The following PTPRD variants were observed in gnomAD, a reference collection of about 807,000 sequenced individuals.
PTPRD encodes the protein receptor-type tyrosine-protein phosphatase delta.
PTPRD carries 34 observed loss-of-function variants against 214.5 expected under a neutral mutation model. The ratio of observed to expected loss-of-function variants is 0.16; its 90% CI spans 0.12 to 0.21. PTPRD has a LOEUF of 0.21. PTPRD is among the 10% of genes least tolerant of loss of function. The probability of loss-of-function intolerance (pLI) is 1.00; values close to 1 mark genes in which losing one functional copy is unlikely to be tolerated. For synonymous variants in PTPRD, 1,128 were observed against 845.7 expected, an observed-to-expected ratio of 1.33 and a Z score of -5.79; for missense variants, 2,545 against 2,398.7, an observed-to-expected ratio of 1.06 and a Z score of -1.27.
intron 8 of PTPRD, among the ~76,000 whole-genome samples, chr9:9,523,510 T>C (rs1399586875): frequency 6.6e-6 from 1 of 151,622 alleles, no homozygotes; most frequent in Non-Finnish European, 1.5e-5. Context: ...AACATATTTA[T>C]CTAACTCCTG....
chr9:8,850,632 A>G (rs2097791311), intron 11 of PTPRD, among the ~76,000 whole-genome samples: 1 of 152,202 alleles, frequency 6.6e-6, no homozygotes, highest in African/African-American at 2.4e-5. Context: ...AACTACTCTT[A>G]TTTCTAGCTA....
At chr9:8,514,779 T>A (rs914125622) in intron 21 of PTPRD, among the ~76,000 whole-genome samples, 1 of 152,202 alleles carries the variant, frequency 6.6e-6, no homozygotes, top group Non-Finnish European at 1.5e-5. Context: ...GATTAGGCTC[T>A]GCGTCCCCAC....
intron 3 of PTPRD, among the ~76,000 whole-genome samples, chr9:10,104,057 G>A (rs758323001): frequency 1.3e-5 from 2 of 151,692 alleles, no homozygotes; most frequent in Non-Finnish European, 2.9e-5. Context: ...AGTGAAATAA[G>A]CCAGTCACAA....
chr9:8,822,336 A>C (rs773251939), intron 11 of PTPRD, among the ~76,000 whole-genome samples: 7 of 151,396 alleles, frequency 4.6e-5, no homozygotes, highest in Non-Finnish European at 8.9e-5. Context: ...GCAAACTCAG[A>C]TAGAGAAATA....
intron 9 of PTPRD, among the ~76,000 whole-genome samples, chr9:9,189,223 G>C (rs1475080989): frequency 1.3e-5 from 2 of 151,928 alleles, no homozygotes; most frequent in Non-Finnish European, 2.9e-5. Context: ...ATATCCTCTA[G>C]AGTCAGGAAA....
chr9:10,599,727 T>C (rs116644821), intron 2 of PTPRD, among the ~76,000 whole-genome samples: 1 of 151,826 alleles, frequency 6.6e-6, no homozygotes, highest in Non-Finnish European at 1.5e-5. Context: ...TTTACACATA[T>C]TGAAATGATT....
intron 3 of PTPRD, among the ~76,000 whole-genome samples, chr9:10,193,869 A>T (rs1791074534): frequency 6.6e-6 from 1 of 152,148 alleles, no homozygotes; most frequent in East Asian, 1.9e-4. Flanking sequence ...AATTTTAAAA[A>T]TTAAATTAAG....
At chr9:10,605,889 G>A (rs768669969) in intron 2 of PTPRD, among the ~76,000 whole-genome samples, 6 of 151,700 alleles carry the variant, frequency 4.0e-5, no homozygotes, top group East Asian at 1.9e-4. Context: ...TTATGCTGCC[G>A]TATTATGCAT....
intron 2 of PTPRD, among the ~76,000 whole-genome samples, chr9:10,591,152 C>T (rs1214452187): frequency 2.0e-5 from 3 of 151,864 alleles, no homozygotes; most frequent in Non-Finnish European, 2.9e-5. Context: ...TTGTGTGGAC[C>T]CTGCTGAATG....
intron 3 of PTPRD, among the ~76,000 whole-genome samples, chr9:10,159,297 T>C (rs56067626): frequency 0.054 from 8,182 of 151,848 alleles, 321 homozygotes; most frequent in Admixed American, 0.1. Flanking sequence ...TAAGCAAATA[T>C]ATCTAAGCAA....
At chr9:9,726,642 A>G (rs1415299836) in intron 7 of PTPRD, among the ~76,000 whole-genome samples, 1 of 152,322 alleles carries the variant, frequency 6.6e-6, no homozygotes, top group South Asian at 2.1e-4. Context: ...TGGTAAGCCA[A>G]TTCAGCATCA....
intron 8 of PTPRD, among the ~76,000 whole-genome samples, chr9:9,503,052 G>A (rs1050029031): frequency 8.6e-5 from 13 of 151,738 alleles, no homozygotes; most frequent in African/African-American, 1.5e-4. Context: ...CAAGGTCTGT[G>A]TATTTCACTG....
At chr9:9,128,479 A>G (rs753416119) in intron 10 of PTPRD, among the ~76,000 whole-genome samples, 3 of 152,212 alleles carry the variant, frequency 2.0e-5, no homozygotes, top group Non-Finnish European at 4.4e-5. Flanking sequence ...ACGTATGCAT[A>G]ATAACATCAT....
chr9:9,330,438 C>G (rs2041880126), intron 9 of PTPRD, among the ~76,000 whole-genome samples: 1 of 151,990 alleles, frequency 6.6e-6, no homozygotes, highest in Non-Finnish European at 1.5e-5. Flanking sequence ...GATTTATATT[C>G]TATACATATA....
At chr9:8,505,624 C>CAAAAAAAA (rs954059567) in intron 22 of PTPRD, among the ~76,000 whole-genome samples, 3 of 55,730 alleles carry the variant, frequency 5.4e-5, no homozygotes, top group African/African-American at 1.7e-4. Flanking sequence ...GACTCTGTCT[C>CAAAAAAAA]AAAAAAAAAA....
At chr9:9,061,500 C>T (rs554997686) in intron 10 of PTPRD, among the ~76,000 whole-genome samples, 2 of 152,042 alleles carry the variant, frequency 1.3e-5, no homozygotes, top group Non-Finnish European at 2.9e-5. Context: ...AGCTGCCTTC[C>T]TCCTTTTCTC....
chr9:9,641,716 G>T (rs546409544), intron 7 of PTPRD, among the ~76,000 whole-genome samples: 3 of 152,242 alleles, frequency 2.0e-5, no homozygotes, highest in African/African-American at 7.2e-5. Context: ...ATCCATTTAG[G>T]ATTAAACAAG....
intron 6 of PTPRD, among the ~76,000 whole-genome samples, chr9:9,736,940 AGTCCTAT>A (rs1339091557): frequency 6.6e-6 from 1 of 152,030 alleles, no homozygotes; most frequent in Non-Finnish European, 1.5e-5. Flanking sequence ...ATTTTAATGC[AGTCCTAT>A]TGAATCATCT....
intron 5 of PTPRD, among the ~76,000 whole-genome samples, chr9:9,860,938 T>C (rs1489355467): frequency 1.3e-5 from 2 of 152,172 alleles, no homozygotes; most frequent in African/African-American, 4.8e-5. Flanking sequence ...AAAAATGCAG[T>C]TTTGGGAAAA....
Sources: gnomAD v4.1 joint callset for allele counts (sites outside exome capture counted in the v4.1 genomes callset) on GRCh38, gnomAD v4.1.1 for gene constraint, MANE v1.5 for transcripts, NCBI Gene and HGNC (gene_info 2026-07-23, HGNC 2026-07-21) for gene names.